Variants in PTPRD observed in about 807,000 individuals in gnomAD.
The protein encoded by PTPRD is receptor-type tyrosine-protein phosphatase delta.
Under a neutral mutation model 214.5 loss-of-function variants are expected in PTPRD, and 34 were observed. The ratio of observed to expected loss-of-function variants is 0.16; its 90% CI spans 0.12 to 0.21. PTPRD has a LOEUF of 0.21. Ranked by LOEUF, PTPRD falls within the 10% of genes least tolerant of loss-of-function variation. The pLI is 1.00. For missense variants in PTPRD, 2,545 were observed against 2,398.7 expected (o/e 1.06, Z -1.27); for synonymous variants, 1,128 against 845.7 (o/e 1.33, Z -5.79).
intron 3 of PTPRD, among the ~76,000 whole-genome samples, chr9:10,265,269 A>C (rs941705789): frequency 2.6e-5 from 4 of 152,140 alleles, no homozygotes; most frequent in African/African-American, 9.7e-5. Context: ...CATCTATTTG[A>C]ATAAGTCTGG....
chr9:10,309,619 C>A (rs567272513), intron 3 of PTPRD, among the ~76,000 whole-genome samples: 2 of 151,808 alleles, frequency 1.3e-5, no homozygotes, highest in Admixed American at 1.3e-4. Context: ...CCCACCTCAG[C>A]CTACCAAAGT....
chr9:8,618,902 CTG>C (rs1451678587), intron 14 of PTPRD, among the ~76,000 whole-genome samples: 8 of 99,668 alleles, frequency 8.0e-5, no homozygotes, highest in African/African-American at 1.1e-4. Context: ...GTGTGTTTGT[CTG>C]TGTTTTTTTG....
At chr9:9,816,009 G>A (rs1321603259) in intron 5 of PTPRD, among the ~76,000 whole-genome samples, 2 of 152,098 alleles carry the variant, frequency 1.3e-5, no homozygotes, top group Non-Finnish European at 2.9e-5. Flanking sequence ...TGAAGAAAGG[G>A]ACATGCAGGT....
At chr9:10,269,986 GTAAGCTTCTTGAGAGGAGGAAAT>G (rs1425650154) in intron 3 of PTPRD, among the ~76,000 whole-genome samples, 18 of 152,012 alleles carry the variant, frequency 1.2e-4, no homozygotes, top group Non-Finnish European at 2.5e-4. Flanking sequence ...AATACTAAAT[GTAAGCTTCTTGAGAGGAGGAAAT>G]ACATGTTACA....
intron 7 of PTPRD, among the ~76,000 whole-genome samples, chr9:9,714,164 T>A (rs745324560): frequency 3.0e-4 from 45 of 152,144 alleles, no homozygotes; most frequent in Non-Finnish European, 4.6e-4. Flanking sequence ...TATTTAAAGC[T>A]GAAATGAAGT....
chr9:10,485,459 C>T (rs956158321), intron 2 of PTPRD, among the ~76,000 whole-genome samples: 2 of 152,062 alleles, frequency 1.3e-5, no homozygotes, highest in Admixed American at 1.3e-4. Flanking sequence ...GTTGTATGGA[C>T]ATTTTAACAA....
intron 5 of PTPRD, among the ~76,000 whole-genome samples, chr9:9,899,300 C>T (rs912014097): frequency 6.6e-6 from 1 of 151,850 alleles, no homozygotes; most frequent in Non-Finnish European, 1.5e-5. Context: ...TACTTCTGAA[C>T]CGTGCATCTA....
chr9:8,858,646 C>A (rs2154545069), intron 11 of PTPRD, among the ~76,000 whole-genome samples: 1 of 151,666 alleles, frequency 6.6e-6, no homozygotes, highest in South Asian at 2.1e-4. Context: ...GTTGCCTGCG[C>A]GTGAGTGTGA....
chr9:9,513,039 A>G (rs4742606), intron 8 of PTPRD, among the ~76,000 whole-genome samples: 93,558 of 151,646 alleles, frequency 0.62, 29,088 homozygotes, highest in East Asian at 0.78. Flanking sequence ...TGGTTAACAC[A>G]TCTACTACTG....
At chr9:9,002,047 A>G (rs1464562042) in intron 11 of PTPRD, among the ~76,000 whole-genome samples, 1 of 151,718 alleles carries the variant, frequency 6.6e-6, no homozygotes, top group East Asian at 1.9e-4. Flanking sequence ...CTTATATTAC[A>G]GCATTCTGAA....
At chr9:9,543,948 A>G (rs1025307770) in intron 8 of PTPRD, among the ~76,000 whole-genome samples, 2 of 151,602 alleles carry the variant, frequency 1.3e-5, no homozygotes, top group Non-Finnish European at 3.0e-5. Context: ...TTTGAGTCCA[A>G]ATTTTATCAG....
At chr9:9,810,409 A>G (rs1177890786) in intron 5 of PTPRD, among the ~76,000 whole-genome samples, 1 of 152,030 alleles carries the variant, frequency 6.6e-6, no homozygotes, top group Non-Finnish European at 1.5e-5. Context: ...CTCTCTTGTT[A>G]AGGGCTAATG....
intron 7 of PTPRD, among the ~76,000 whole-genome samples, chr9:9,668,270 G>A (rs933915637): frequency 6.6e-5 from 10 of 152,016 alleles, no homozygotes; most frequent in Non-Finnish European, 2.9e-5. Context: ...TAACCATCTG[G>A]ACCCGACAAT....
intron 2 of PTPRD, among the ~76,000 whole-genome samples, chr9:10,513,916 C>A (rs2049125768): frequency 6.6e-6 from 1 of 152,100 alleles, no homozygotes; most frequent in Non-Finnish European, 1.5e-5. Flanking sequence ...CTCAGGGTTC[C>A]AAGCAATGCA....
intron 2 of PTPRD, among the ~76,000 whole-genome samples, chr9:10,384,670 A>G (rs912315782): frequency 1.3e-5 from 2 of 151,638 alleles, no homozygotes; most frequent in African/African-American, 2.4e-5. Flanking sequence ...TGTATAAGAA[A>G]TAAGAACGTT....
chr9:9,091,845 T>C (rs2099776558), intron 10 of PTPRD, among the ~76,000 whole-genome samples: 1 of 152,222 alleles, frequency 6.6e-6, no homozygotes, highest in South Asian at 2.1e-4. Context: ...ACTATTACCA[T>C]CATGCTTAAA....
chr9:9,499,935 G>C (rs544174611), intron 8 of PTPRD, among the ~76,000 whole-genome samples: 3 of 152,140 alleles, frequency 2.0e-5, no homozygotes, highest in African/African-American at 7.2e-5. Flanking sequence ...ATACCAAGCA[G>C]AAGTGATACT....
chr9:10,353,964 CTG>C, intron 2 of PTPRD, among the ~76,000 whole-genome samples: 1 of 152,088 alleles, frequency 6.6e-6, no homozygotes, highest in East Asian at 1.9e-4. Flanking sequence ...TATTAAATAA[CTG>C]AAGCATAAGA....
At chr9:10,484,398 T>C (rs2132330006) in intron 2 of PTPRD, among the ~76,000 whole-genome samples, 1 of 152,186 alleles carries the variant, frequency 6.6e-6, no homozygotes, top group South Asian at 2.1e-4. Context: ...ACTATACAAT[T>C]CATCTATGTA....
Sources: allele counts gnomAD v4.1 joint callset (sites outside exome capture counted in the v4.1 genomes callset), GRCh38; gene constraint gnomAD v4.1.1; transcripts MANE v1.5; gene names NCBI Gene and HGNC (gene_info 2026-07-23, HGNC 2026-07-21).